Variants in MAP4K4 observed in about 807,000 individuals in gnomAD.
MAP4K4 encodes mitogen-activated protein kinase kinase kinase kinase 4.
A neutral mutation model predicts 189.6 loss-of-function variants in MAP4K4; 38 were observed. The ratio of observed to expected loss-of-function variants is 0.20; its 90% CI spans 0.15 to 0.26. MAP4K4 has a LOEUF of 0.26. Ranked by LOEUF, MAP4K4 falls within the 10% of genes least tolerant of loss-of-function variation. The pLI, the probability that MAP4K4 is intolerant of heterozygous loss-of-function variation, is 1.00. For missense variants in MAP4K4, 1,054 were observed against 1,726.9 expected, an observed-to-expected ratio of 0.61 and a Z score of 6.91; for synonymous variants, 610 against 624.3, an observed-to-expected ratio of 0.98 and a Z score of 0.34.
intron 26 of MAP4K4, among the ~76,000 whole-genome samples, chr2:101,875,823 C>CA (rs762377907): frequency 4.6e-5 from 7 of 152,164 alleles, no homozygotes; most frequent in Non-Finnish European, 8.8e-5. Context: ...GTGCTTTGGC[C>CA]AAGGGGCAGG....
chr2:101,717,239 A>G (rs138696351), intron 2 of MAP4K4, among the ~76,000 whole-genome samples: 68 of 152,336 alleles, frequency 4.5e-4, no homozygotes, highest in African/African-American at 1.6e-3. Context: ...GGAGGAAGTC[A>G]TGCATACCCA....
At chr2:101,797,668 T>C (rs1184189822) in intron 3 of MAP4K4, among the ~76,000 whole-genome samples, 1 of 152,086 alleles carries the variant, frequency 6.6e-6, no homozygotes, top group Admixed American at 6.6e-5. Flanking sequence ...TATTTATTTA[T>C]TTATTTTTTA....
intron 2 of MAP4K4, among the ~76,000 whole-genome samples, chr2:101,706,938 C>T (rs1427863968): frequency 3.3e-5 from 5 of 152,110 alleles, no homozygotes; most frequent in Non-Finnish European, 5.9e-5. Flanking sequence ...GGGACTAAAT[C>T]TCTGGTTTCC....
At position 101,831,925 on chromosome 2, in the gene MAP4K4, T is replaced by A. The variant is rs2096605297; in HGVS notation, c.639+74T>A. On this transcript the variant is annotated intron_variant, in intron 7 of 32. Transcript: ENST00000324219. The stretch of plus-strand genomic sequence containing the variant: ...GAGGGATGGGGGCTTTGCTTATAAA[T>A]TGCACACCCCTTGTCTGCCTGCCTT... 1.8e-5 allele frequency: 28 copies of A among 1,530,950 alleles called. No homozygotes were observed. In the South Asian group the frequency reaches 3.2e-4, roughly 17 times the overall value. The allele number at this position is 1,530,950 out of a possible 1,614,324, so 94.8% of individuals were successfully genotyped here.
intron 2 of MAP4K4, among the ~76,000 whole-genome samples, chr2:101,754,348 T>G (rs2071054846): frequency 2.9e-5 from 1 of 34,570 alleles, no homozygotes; most frequent in Admixed American, 3.5e-4. Flanking sequence ...GCTGTTTTTT[T>G]TTTTTTTTTT....
At chr2:101,781,292 A>C (rs183466890) in intron 2 of MAP4K4, among the ~76,000 whole-genome samples, 1 of 152,040 alleles carries the variant, frequency 6.6e-6, no homozygotes, top group Non-Finnish European at 1.5e-5. Flanking sequence ...TCTTCACCAG[A>C]TGTCTCTAAA....
intron 2 of MAP4K4, among the ~76,000 whole-genome samples, chr2:101,751,283 A>G (rs1473578679): frequency 1.3e-5 from 2 of 152,232 alleles, no homozygotes; most frequent in Non-Finnish European, 2.9e-5. Flanking sequence ...GGTGGAACAT[A>G]TTCACTAGGA....
chr2:101,716,706 A>G (rs1056583562), intron 2 of MAP4K4, among the ~76,000 whole-genome samples: 2 of 152,062 alleles, frequency 1.3e-5, no homozygotes, highest in African/African-American at 4.8e-5. Flanking sequence ...GGGCATACTC[A>G]GTGTGGTAGT....
At chr2:101,712,313 G>C (rs895399031) in intron 2 of MAP4K4, among the ~76,000 whole-genome samples, 2 of 150,996 alleles carry the variant, frequency 1.3e-5, no homozygotes, top group African/African-American at 4.9e-5. Flanking sequence ...TCCTGCCTCA[G>C]CCTCCCGAGT....
intron 2 of MAP4K4, among the ~76,000 whole-genome samples, chr2:101,757,821 A>C (rs1268556841): frequency 6.6e-6 from 1 of 152,164 alleles, no homozygotes; most frequent in East Asian, 1.9e-4. Flanking sequence ...GGAGTTCAAG[A>C]CCAACCTGAC....
chr2:101,741,859 A>C (rs753872151), intron 2 of MAP4K4, among the ~76,000 whole-genome samples: 1 of 152,216 alleles, frequency 6.6e-6, no homozygotes, highest in East Asian at 1.9e-4. Flanking sequence ...AAAAAATTGA[A>C]AAATTGGTTA....
At chr2:101,872,902 C>G (rs1198728603) in intron 24 of MAP4K4, among the ~76,000 whole-genome samples, 1 of 152,206 alleles carries the variant, frequency 6.6e-6, no homozygotes. Flanking sequence ...CTCTAATGTG[C>G]AGTATTTTAC....
intron 28 of MAP4K4, among the ~76,000 whole-genome samples, chr2:101,883,344 TTTTTGAGATGGAG>T (rs2098433970): frequency 6.6e-6 from 1 of 152,204 alleles, no homozygotes; most frequent in Admixed American, 6.5e-5. Flanking sequence ...ACTCTTTTTT[TTTTTGAGATGGAG>T]TTTTGCTCTT....
intron 1 of MAP4K4, among the ~76,000 whole-genome samples, 156 bp from the exon 2 acceptor site, chr2:101,698,317 G>T (rs538633478): frequency 6.6e-6 from 1 of 150,732 alleles, no homozygotes; most frequent in South Asian, 2.1e-4. Context: ...CCGCCCCCAC[G>T]CCCCGAGCCC....
At chr2:101,835,570 T>C (rs1278833499) in intron 8 of MAP4K4, among the ~76,000 whole-genome samples, 1 of 152,248 alleles carries the variant, frequency 6.6e-6, no homozygotes, top group Non-Finnish European at 1.5e-5. Context: ...ACAACAACCC[T>C]ATGAAAATAC....
At chr2:101,749,314 A>C (rs879314976) in intron 2 of MAP4K4, among the ~76,000 whole-genome samples, 145 of 151,294 alleles carry the variant, frequency 9.6e-4, no homozygotes, top group African/African-American at 3.4e-3. Flanking sequence ...AAACAGAGAT[A>C]TAGATCAATG....
At chr2:101,881,696 T>C (rs2098396142) in intron 27 of MAP4K4, among the ~76,000 whole-genome samples, 1 of 152,194 alleles carries the variant, frequency 6.6e-6, no homozygotes, top group African/African-American at 2.4e-5. Flanking sequence ...TTGAGGCAGT[T>C]CCCCCTCTAT....
intron 2 of MAP4K4, among the ~76,000 whole-genome samples, chr2:101,742,111 G>A (rs530295607): frequency 1.2e-3 from 189 of 152,258 alleles, no homozygotes; most frequent in Middle Eastern, 6.8e-3. Context: ...GGCTCTAGTG[G>A]GTCATCTGGG....
At chr2:101,796,503 C>G (rs555614939) in intron 3 of MAP4K4, among the ~76,000 whole-genome samples, 1 of 152,270 alleles carries the variant, frequency 6.6e-6, no homozygotes, top group South Asian at 2.1e-4. Context: ...GGAATTAGAA[C>G]CTGGATCTTT....
Sources: allele counts gnomAD v4.1 joint callset (sites outside exome capture counted in the v4.1 genomes callset), GRCh38; gene constraint gnomAD v4.1.1; transcripts MANE v1.5; gene names NCBI Gene and HGNC (gene_info 2026-07-23, HGNC 2026-07-21).